The following PFDN1 variants were observed in gnomAD, a reference collection of about 807,000 sequenced individuals.
PFDN1 encodes prefoldin 1.
In PFDN1, 6 loss-of-function variants were observed where a neutral mutation model predicts 17.3. That is an observed-to-expected ratio of 0.35 (90% CI 0.19 to 0.69). The LOEUF (loss-of-function observed/expected upper bound fraction) is 0.69, where lower values mean the gene tolerates loss of function less well. PFDN1 is among the 30% of genes least tolerant of loss of function. The probability of loss-of-function intolerance (pLI) is 0.65; values close to 1 mark genes in which losing one functional copy is unlikely to be tolerated. For missense variants in PFDN1, 113 were observed against 146.2 expected (o/e 0.77, Z 1.17); for synonymous variants, 58 against 50.1 (o/e 1.16, Z -0.67).
rs577877883 is a variant in PFDN1, at chr5:140,257,300, A to G, written c.286-11243T>C. Among the ~76,000 whole-genome samples the G allele has an allele frequency of 3.4e-3, 513 of 151,550 alleles. 6 individuals carry two copies. Among genetic ancestry groups the G allele is most frequent in the African/African-American group, 0.01 (417 of 41,298 alleles). ...GCCAGACTCTTTAACCAAGGTGCTC[A>G]GGCTCCACATGGCCTCACTCCTGCC... On this transcript the variant is annotated intron_variant, in intron 3 of 3. Coordinates refer to ENST00000261813, the MANE Select transcript of PFDN1 (RefSeq NM_002622.5).
At chr5:140,280,000 AAAAAAAAAAAAAAC>A (rs1345357914) in intron 3 of PFDN1, among the ~76,000 whole-genome samples, 1,649 of 133,670 alleles carry the variant, frequency 0.012, 85 homozygotes, top group African/African-American at 0.046. Context: ...CGTCTCAAAA[AAAAAAAAAAAAAAC>A]AAAAAAAGAA....
At chr5:140,302,121 C>T (rs565292089) in intron 1 of PFDN1, among the ~76,000 whole-genome samples, 3 of 152,338 alleles carry the variant, frequency 2.0e-5, no homozygotes, top group African/African-American at 7.2e-5. Context: ...TGTTGCTCAT[C>T]TGAAGAACTC....
At chr5:140,262,789 TA>T (rs578061587) in intron 3 of PFDN1, among the ~76,000 whole-genome samples, 41 of 143,616 alleles carry the variant, frequency 2.9e-4, no homozygotes, top group Admixed American at 3.5e-4. Context: ...ATCATTTGTG[TA>T]AAAAAAAAAA....
chr5:140,270,750 C>G (rs373959403), intron 3 of PFDN1, among the ~76,000 whole-genome samples: 2 of 152,054 alleles, frequency 1.3e-5, no homozygotes, highest in East Asian at 1.9e-4. Context: ...ATGGTGAAAC[C>G]CTGTCTCTTC....
At chr5:140,260,634 G>T (rs115463941) in intron 3 of PFDN1, among the ~76,000 whole-genome samples, 22 of 149,552 alleles carry the variant, frequency 1.5e-4, no homozygotes, top group Non-Finnish European at 3.3e-4. Flanking sequence ...ACCCAAAACA[G>T]GCAAATCTGC....
chr5:140,258,094 G>C (rs974216162), intron 3 of PFDN1, among the ~76,000 whole-genome samples: 3 of 152,206 alleles, frequency 2.0e-5, no homozygotes, highest in Admixed American at 6.5e-5. Context: ...GTGAGGCTGA[G>C]TCAGATCGTG....
At chr5:140,300,304 C>G in intron 2 of PFDN1, 112 bp downstream of exon 2, 1 of 743,232 alleles carries the variant, frequency 1.3e-6, no homozygotes, top group Admixed American at 2.4e-5. Flanking sequence ...GCCAGGATTA[C>G]AGGCATGAGC....
At chr5:140,285,056 TG>T (rs1765464678) in intron 2 of PFDN1, among the ~76,000 whole-genome samples, 1 of 152,236 alleles carries the variant, frequency 6.6e-6, no homozygotes, top group Admixed American at 6.5e-5. Flanking sequence ...TCACTTGCAC[TG>T]CTGCATTTTG....
chr5:140,296,785 T>C (rs537460312), intron 2 of PFDN1, among the ~76,000 whole-genome samples: 3 of 152,168 alleles, frequency 2.0e-5, no homozygotes, highest in Non-Finnish European at 4.4e-5. Flanking sequence ...CCATTTGACA[T>C]CTCAAAATTC....
rs1437126613 is a variant in PFDN1, at chr5:140,300,590, A to C, written c.34-8T>G. ...TTGAAGCTCTGTGAAGGCCTAATAA[A>C]AACAAGTCCATGATTTAGTAGGTAA... On this transcript the variant is annotated splice_polypyrimidine_tract_variant and splice_region_variant and intron_variant, in intron 1 of 3. Transcript: ENST00000261813. The C allele has an allele frequency of 6.3e-7, 1 of 1,584,210 alleles. No individual in the cohort carries two copies. The highest frequency in any genetic ancestry group is 2.3e-5 in the East Asian group (1 of 44,070).
intron 3 of PFDN1, among the ~76,000 whole-genome samples, chr5:140,278,689 G>T (rs946093035): frequency 1.3e-5 from 2 of 151,542 alleles, no homozygotes; most frequent in Non-Finnish European, 2.9e-5. Context: ...TAAACTGACA[G>T]ATTAAGGAGA....
intron 3 of PFDN1, among the ~76,000 whole-genome samples, chr5:140,278,288 T>G (rs1433869020): frequency 6.6e-6 from 1 of 151,118 alleles, no homozygotes; most frequent in Admixed American, 6.6e-5. Flanking sequence ...TACGCCCCAG[T>G]CAGGCATGGT....
chr5:140,301,789 G>A (rs1285076884), intron 1 of PFDN1, among the ~76,000 whole-genome samples: 1 of 152,124 alleles, frequency 6.6e-6, no homozygotes, highest in African/African-American at 2.4e-5. Context: ...ATTTAAATCG[G>A]TACTTTTAAC....
rs1374705184 is a variant in PFDN1 at position 140,276,973 on chromosome 5, A to G, written c.285+4476T>C. Reference sequence around the variant, plus strand: ...GCTCACTCACACCTATAATCCTAGCACTTTGGGAGGCCAAGGCGGGCAGAT... The same window carrying G: ...GCTCACTCACACCTATAATCCTAGCGCTTTGGGAGGCCAAGGCGGGCAGAT... On this transcript the variant is annotated intron_variant, in intron 3 of 3. Transcript: ENST00000261813. Among the ~76,000 whole-genome samples, 4 of 151,938 alleles carry G rather than the reference A, an allele frequency of 2.6e-5. No homozygotes were observed. In the East Asian group the frequency reaches 7.7e-4, roughly 29 times the overall value.
intron 3 of PFDN1, among the ~76,000 whole-genome samples, chr5:140,273,308 A>C (rs1447360137): frequency 6.6e-6 from 1 of 152,018 alleles, no homozygotes; most frequent in African/African-American, 2.4e-5. Flanking sequence ...AGTAGAGTCC[A>C]CCTGACATCA....
At chr5:140,267,664 G>C (rs959524542) in intron 3 of PFDN1, among the ~76,000 whole-genome samples, 8 of 152,002 alleles carry the variant, frequency 5.3e-5, no homozygotes, top group Non-Finnish European at 1.0e-4. Context: ...CCGCTTATTT[G>C]TTATTTTTAG....
rs185290144 is a variant in PFDN1 at position 140,293,805 on chromosome 5, C to G, written c.200+6611G>C. ...TTAAAAATCTCCTCTCCCCAGAGTA[C>G]TAAATCTGTGCAAGAGGAATGTGTG... is the stretch of plus-strand genomic sequence containing the variant. On this transcript the variant is annotated intron_variant, in intron 2 of 3. Coordinates refer to ENST00000261813, the MANE Select transcript of PFDN1 (RefSeq NM_002622.5). Among the ~76,000 whole-genome samples, 108 of 152,144 alleles carry G rather than the reference C, an allele frequency of 7.1e-4. No individual in the cohort carries two copies. The Middle Eastern group carries it at 0.017, about 24-fold the overall frequency.
intron 3 of PFDN1, among the ~76,000 whole-genome samples, chr5:140,271,964 T>C (rs533546200): frequency 4.9e-5 from 7 of 144,202 alleles, no homozygotes; most frequent in Non-Finnish European, 9.0e-5. Flanking sequence ...ATATATATAT[T>C]TATATACATA....
chr5:140,272,804 C>G (rs1765229306), intron 3 of PFDN1, among the ~76,000 whole-genome samples: 1 of 152,142 alleles, frequency 6.6e-6, no homozygotes, highest in Non-Finnish European at 1.5e-5. Context: ...ATTTGATTTA[C>G]TGGCCTGGAT....
Sources: gnomAD v4.1 joint callset for allele counts (sites outside exome capture counted in the v4.1 genomes callset) on GRCh38, gnomAD v4.1.1 for gene constraint, MANE v1.5 for transcripts, NCBI Gene and HGNC (gene_info 2026-07-23, HGNC 2026-07-21) for gene names.